Variants in KLF13 observed in about 807,000 individuals in gnomAD.
The protein encoded by KLF13 is KLF transcription factor 13, also known as Krueppel-like factor 13.
KLF13 carries 8 observed loss-of-function variants against 16.7 expected under a neutral mutation model. The ratio of observed to expected loss-of-function variants is 0.48; its 90% CI spans 0.28 to 0.87. The LOEUF (loss-of-function observed/expected upper bound fraction) is 0.87, where lower values mean the gene tolerates loss of function less well. Among genes scored for constraint, KLF13 ranks in the 40% least tolerant of loss-of-function variants. KLF13 has a pLI of 0.10. For missense variants in KLF13, 447 were observed against 452.2 expected, an observed-to-expected ratio of 0.99 and a Z score of 0.10; for synonymous variants, 245 against 208.4, an observed-to-expected ratio of 1.18 and a Z score of -1.51.
At chr15:31,387,922 G>T (rs1199419233), upstream of KLF13, among the ~76,000 whole-genome samples, 1 of 152,226 alleles carries the variant, frequency 6.6e-6, no homozygotes, top group Non-Finnish European at 1.5e-5. Context: ...GGCACCTGGA[G>T]CACAGCCACT....
At chr15:31,346,168 C>A (rs186279945) in intron 1 of KLF13, among the ~76,000 whole-genome samples, 5 of 152,254 alleles carry the variant, frequency 3.3e-5, no homozygotes, top group Admixed American at 3.3e-4. Flanking sequence ...GGTCAATGAT[C>A]TTGACTCTGT....
intron 1 of KLF13, among the ~76,000 whole-genome samples, chr15:31,434,722 T>C (rs1160525641): frequency 2.0e-5 from 3 of 152,184 alleles, no homozygotes; most frequent in Admixed American, 6.5e-5. Flanking sequence ...GCAGGCTTCT[T>C]GGAGCTCCCC....
chr15:31,362,375 C>G (rs2039403639), intron 1 of KLF13, among the ~76,000 whole-genome samples: 1 of 152,216 alleles, frequency 6.6e-6, no homozygotes, highest in African/African-American at 2.4e-5. Flanking sequence ...CTAGATTGGA[C>G]TTTATTGCTA....
chr15:31,400,318 TTG>T (rs1431263327), intron 2 of KLF13, among the ~76,000 whole-genome samples: 5 of 152,114 alleles, frequency 3.3e-5, no homozygotes, highest in Non-Finnish European at 7.4e-5. Context: ...ATCCTCAGCA[TTG>T]TGTCAGATGG....
chr15:31,371,890 G>T, intron 1 of KLF13, 120 bp from the exon 2 acceptor site: 1 of 1,113,534 alleles, frequency 9.0e-7, no homozygotes, highest in Non-Finnish European at 1.3e-6. Context: ...GCTCTTGGAG[G>T]TGGGGCATGT....
intron 1 of KLF13, among the ~76,000 whole-genome samples, chr15:31,434,128 CTG>C (rs2040503033): frequency 6.6e-6 from 1 of 152,196 alleles, no homozygotes; most frequent in African/African-American, 2.4e-5. Context: ...GGTGCCAAGA[CTG>C]TGTGCCAGGC....
rs193146729 is a variant in KLF13 at position 31,430,906 on chromosome 15, G to A, written n.118-4464G>A. Among the ~76,000 whole-genome samples, 7 of 152,322 alleles carry A rather than the reference G, an allele frequency of 4.6e-5. No homozygotes were observed. In the East Asian group the frequency reaches 9.6e-4, roughly 21 times the overall value. ...GAATCTCCATTCTTTGGAGGAGGATGTAACAGTATCCACTAAAGCTGAAGA... is the reference window on the plus strand; with the variant it reads ...GAATCTCCATTCTTTGGAGGAGGATATAACAGTATCCACTAAAGCTGAAGA... On this transcript the variant is annotated intron_variant and non_coding_transcript_variant, in intron 1 of 1. Coordinates refer to the KLF13 transcript ENST00000558225.
chr15:31,391,830 C>G (rs1303896027), upstream of KLF13, among the ~76,000 whole-genome samples: 2 of 152,210 alleles, frequency 1.3e-5, no homozygotes, highest in East Asian at 1.9e-4. Flanking sequence ...CGGCGGGAGG[C>G]GCTTCCCGGG....
At chr15:31,346,740 C>G (rs2039128026) in intron 1 of KLF13, among the ~76,000 whole-genome samples, 1 of 152,240 alleles carries the variant, frequency 6.6e-6, no homozygotes, top group Non-Finnish European at 1.5e-5. Flanking sequence ...CGAAATCTTT[C>G]AGTTTCTAGC....
chr15:31,340,366 C>G (rs956190741), intron 1 of KLF13, among the ~76,000 whole-genome samples: 1 of 152,220 alleles, frequency 6.6e-6, no homozygotes, highest in Non-Finnish European at 1.5e-5. Flanking sequence ...TGTGCACACC[C>G]CAAGCCTCCT....
At chr15:31,392,699 C>T (rs905474046), upstream of KLF13, 23 of 152,390 alleles carry the variant, frequency 1.5e-4, no homozygotes, top group African/African-American at 5.5e-4. Flanking sequence ...TCAGTAGAGT[C>T]TGCTCGCGGT....
intron 1 of KLF13, 70 bp from the exon 2 acceptor site, chr15:31,371,940 G>A: frequency 6.7e-7 from 1 of 1,490,858 alleles, no homozygotes; most frequent in African/African-American, 1.4e-5. Context: ...GGTGTTGCGG[G>A]CCCTTCCCCA....
upstream of KLF13, among the ~76,000 whole-genome samples, chr15:31,391,537 G>A (rs192627325): frequency 0.053 from 7,996 of 152,172 alleles, 294 homozygotes; most frequent in East Asian, 0.12. Flanking sequence ...ACAAGGGTCA[G>A]CTCGGGGCTG....
At chr15:31,414,503 AATAG>A (rs1420128568) in intron 1 of KLF13, among the ~76,000 whole-genome samples, 1 of 152,204 alleles carries the variant, frequency 6.6e-6, no homozygotes, top group East Asian at 1.9e-4. Flanking sequence ...CAAAGATACA[AATAG>A]ATTGACAGTA....
chr15:31,396,409 G>A (rs1443700668), intron 2 of KLF13, among the ~76,000 whole-genome samples: 1 of 152,106 alleles, frequency 6.6e-6, no homozygotes. Context: ...TGCCTGCCTC[G>A]GCCTCCCAAA....
intron 1 of KLF13, among the ~76,000 whole-genome samples, chr15:31,367,994 C>T (rs1267640197): frequency 6.6e-6 from 1 of 152,064 alleles, no homozygotes; most frequent in African/African-American, 2.4e-5. Flanking sequence ...CCATACCTCC[C>T]CTTCCTTCCC....
intron 1 of KLF13, 102 bp from the exon 2 acceptor site, chr15:31,371,908 G>T: frequency 4.6e-6 from 6 of 1,290,570 alleles, no homozygotes; most frequent in Non-Finnish European, 6.4e-6. Context: ...TGTGGGAGGG[G>T]TGTTGAGAGA....
chr15:31,366,582 T>A (rs1369504830), intron 1 of KLF13: 1 of 152,420 alleles, frequency 6.6e-6, no homozygotes, highest in East Asian at 1.9e-4. Context: ...TGTTGCTGTC[T>A]GTGTACCCCA....
chr15:31,385,083 A>G (rs1401905002), intron 1 of KLF13, among the ~76,000 whole-genome samples: 1 of 152,214 alleles, frequency 6.6e-6, no homozygotes, highest in Non-Finnish European at 1.5e-5. Context: ...TCTCTCATCC[A>G]CATGAGGATA....
Sources: allele counts gnomAD v4.1 joint callset (sites outside exome capture counted in the v4.1 genomes callset), GRCh38; gene constraint gnomAD v4.1.1; transcripts MANE v1.5; gene names NCBI Gene and HGNC (gene_info 2026-07-23, HGNC 2026-07-21).